LMBRD1: variants seen among roughly 807,000 people sequenced by gnomAD.
LMBRD1 encodes LMBR1 domain containing 1, also known as lysosomal cobalamin transport escort protein LMBD1.
LMBRD1 carries 64 observed loss-of-function variants against 74.8 expected under a neutral mutation model. That is an observed-to-expected ratio of 0.86 (90% CI 0.70 to 1.05). The LOEUF is 1.05. Among genes scored for constraint, LMBRD1 ranks in the 50% least tolerant of loss-of-function variants. The probability of loss-of-function intolerance (pLI) is 0.00; values close to 1 mark genes in which losing one functional copy is unlikely to be tolerated. For missense variants in LMBRD1, 652 were observed against 645.9 expected (o/e 1.01, Z -0.10); for synonymous variants, 204 against 216.3 (o/e 0.94, Z 0.50).
chr6:69,713,748 T>A lies in LMBRD1; in HGVS notation c.812A>T (p.Gln271Leu), dbSNP rs1260399748. 1.2e-6 allele frequency: 2 copies of A among 1,613,624 alleles called. No individual in the cohort carries two copies. Among genetic ancestry groups the A allele is most frequent in the African/African-American group, 2.7e-5 (2 of 74,912 alleles). Reference sequence around the variant, plus strand: ...AAGTGTTCGTAACCTTTCTTCAAATTGTTTTAAGGCGCGTTTATCCCTTGC... The same window carrying A: ...AAGTGTTCGTAACCTTTCTTCAAATAGTTTTAAGGCGCGTTTATCCCTTGC... ...LPARDKRALK[Q>L]FEERLRTLKK... is the part of the protein sequence containing the mutation. The change falls in exon 9 of 16, where the codon CAA (glutamine) becomes CTA (leucine). Residue 271 changes from glutamine to leucine, a missense_variant. Gln to Leu is a moderately radical substitution (Grantham distance 113). Around this residue, in one of 3 missense-constraint regions of LMBRD1, gnomAD observed 598 missense variants for 581.8 expected, o/e 1.03. Transcript: ENST00000649934.
Position 69,790,348 on chromosome 6 carries a change from G to A in LMBRD1, c.194C>T (p.Pro65Leu). The A allele has an allele frequency of 1.2e-6, 2 of 1,613,298 alleles. No individual in the cohort carries two copies. Among genetic ancestry groups the A allele is most frequent in the Non-Finnish European group, 1.7e-6 (2 of 1,179,338 alleles). ...GTAAGAAACCAAAAATATATCCACTGGTAGAAGTGCTGATGTGATAAGTGC... is the reference window on the plus strand; with the variant it reads ...GTAAGAAACCAAAAATATATCCACTAGTAGAAGTGCTGATGTGATAAGTGC... ...AIALITSALLPVDIFLVSYMK... is the reference protein window; with the variant it reads ...AIALITSALLLVDIFLVSYMK... Residue 65 changes from proline to leucine, a missense_variant, in exon 2 of 16, where the codon CCA (proline) becomes CTA (leucine). By Grantham distance (98) the Pro-to-Leu change is moderately conservative (BLOSUM62 -3). Coordinates refer to ENST00000649934, the MANE Select transcript of LMBRD1 (RefSeq NM_018368.4).
chr6:69,692,358 T>C (rs1020876492), intron 14 of LMBRD1, among the ~76,000 whole-genome samples: 1 of 152,164 alleles, frequency 6.6e-6, no homozygotes, highest in African/African-American at 2.4e-5. Context: ...AAATCAACTT[T>C]GATTTATAGA....
rs537755688 is a variant in LMBRD1 at position 69,775,630 on chromosome 6, A to G, written c.307+4864T>C. Among the ~76,000 whole-genome samples, 11 of 152,348 alleles carry G rather than the reference A, an allele frequency of 7.2e-5. No homozygotes were observed. In the East Asian group the frequency reaches 2.1e-3, roughly 29 times the overall value. On this transcript the variant is annotated intron_variant, in intron 3 of 15. Transcript: ENST00000649934. ...GGGAGATTTGAGCCTTTTATTCACA[A>G]AAGTCCCTTTTGAAGCAGTAAAAAT... is the stretch of plus-strand genomic sequence containing the variant.
chr6:69,708,488 G>C (rs1315139832), intron 9 of LMBRD1, among the ~76,000 whole-genome samples: 1 of 152,104 alleles, frequency 6.6e-6, no homozygotes, highest in African/African-American at 2.4e-5. Flanking sequence ...TGAGAAAAGT[G>C]AGGTTCAAAA....
intron 6 of LMBRD1, among the ~76,000 whole-genome samples, chr6:69,740,365 A>G (rs1303070789): frequency 1.3e-5 from 2 of 152,208 alleles, no homozygotes; most frequent in East Asian, 1.9e-4. Flanking sequence ...CTAATCACCA[A>G]TTCAAGTTAT....
chr6:69,768,877 C>T (rs1348945477), intron 3 of LMBRD1, among the ~76,000 whole-genome samples: 2 of 151,648 alleles, frequency 1.3e-5, no homozygotes, highest in African/African-American at 4.8e-5. Context: ...TTTTAGTGCC[C>T]TCTGGTGTCC....
chr6:69,680,546 T>A (rs191936647), intron 14 of LMBRD1, among the ~76,000 whole-genome samples: 27 of 151,340 alleles, frequency 1.8e-4, no homozygotes. Flanking sequence ...CAAAACCATA[T>A]CTTAAATATT....
At chr6:69,780,610 T>A (rs1765811498) in intron 2 of LMBRD1, 56 bp from the exon 3 acceptor site, 4 of 1,362,898 alleles carry the variant, frequency 2.9e-6, no homozygotes, top group Non-Finnish European at 4.2e-6. Context: ...GCCTAACAAT[T>A]AAAAGTCAAG....
intron 9 of LMBRD1, among the ~76,000 whole-genome samples, chr6:69,703,721 C>T (rs1237671183): frequency 1.3e-5 from 2 of 151,900 alleles, no homozygotes; most frequent in Non-Finnish European, 2.9e-5. Flanking sequence ...GCTATAATGC[C>T]AATTTTGAAA....
chr6:69,793,324 G>C (rs1273816471), intron 1 of LMBRD1, among the ~76,000 whole-genome samples: 2 of 152,212 alleles, frequency 1.3e-5, no homozygotes, highest in African/African-American at 4.8e-5. Flanking sequence ...GGAATGAGAA[G>C]AGATGAATCT....
At chr6:69,702,001 T>A (rs771634456) in intron 9 of LMBRD1, 48 bp from the exon 10 acceptor site, 1 of 1,145,582 alleles carries the variant, frequency 8.7e-7, no homozygotes, top group South Asian at 1.3e-5. Flanking sequence ...AAAGTTGATA[T>A]TAAAAGCACA....
At chr6:69,772,410 G>T (rs757252094) in intron 3 of LMBRD1, among the ~76,000 whole-genome samples, 11 of 152,164 alleles carry the variant, frequency 7.2e-5, no homozygotes, top group Non-Finnish European at 1.0e-4. Context: ...AAAATCTGGA[G>T]TGTGAAGGAA....
chr6:69,688,728 T>A (rs1765817995), intron 14 of LMBRD1, among the ~76,000 whole-genome samples: 1 of 141,594 alleles, frequency 7.1e-6, no homozygotes, highest in Admixed American at 7.3e-5. Flanking sequence ...ATTGCAGAGG[T>A]AATAAAAGAT....
intron 2 of LMBRD1, among the ~76,000 whole-genome samples, chr6:69,787,807 A>G (rs1287099454): frequency 6.6e-6 from 1 of 152,236 alleles, no homozygotes; most frequent in African/African-American, 2.4e-5. Flanking sequence ...GTTTTAACAG[A>G]TATTTTCCCC....
chr6:69,736,172 G>A (rs1438080987), intron 7 of LMBRD1, among the ~76,000 whole-genome samples: 1 of 151,912 alleles, frequency 6.6e-6, no homozygotes, highest in Non-Finnish European at 1.5e-5. Context: ...TGCATATTTT[G>A]CAAGCCAGGA....
chr6:69,722,783 A>G (rs1766644549), intron 7 of LMBRD1, among the ~76,000 whole-genome samples: 1 of 152,192 alleles, frequency 6.6e-6, no homozygotes, highest in African/African-American at 2.4e-5. Flanking sequence ...GAAAGAAGGG[A>G]GGATCGTAAA....
intron 14 of LMBRD1, among the ~76,000 whole-genome samples, chr6:69,678,646 A>G (rs1461613355): frequency 6.6e-6 from 1 of 152,138 alleles, no homozygotes; most frequent in Non-Finnish European, 1.5e-5. Context: ...CAATGGCAAA[A>G]AGATCCTACA....
In LMBRD1 at chr6:69,729,891, T is replaced by C. The variant is rs572649395; in HGVS notation, c.636+8051A>G. Among the ~76,000 whole-genome samples the C allele has an allele frequency of 3.3e-5, 5 of 152,126 alleles. No individual in the cohort carries two copies. In the South Asian group the frequency reaches 6.2e-4, roughly 19 times the overall value. On this transcript the variant is annotated intron_variant, in intron 7 of 15. Coordinates refer to ENST00000649934, the MANE Select transcript of LMBRD1 (RefSeq NM_018368.4). ...TATGATAAGCTTGACATAGACCTTA[T>C]ATAAAACATTATAACTTTTAAGGTC...
At chr6:69,695,049 C>T (rs1043127724) in intron 14 of LMBRD1, among the ~76,000 whole-genome samples, 1 of 152,092 alleles carries the variant, frequency 6.6e-6, no homozygotes, top group Non-Finnish European at 1.5e-5. Flanking sequence ...CTATCTGAGG[C>T]CATATCCTTG....
Sources: allele counts gnomAD v4.1 joint callset (sites outside exome capture counted in the v4.1 genomes callset), GRCh38; gene constraint gnomAD v4.1.1; regional missense constraint gnomAD v4.1.1; transcripts MANE v1.5; gene names NCBI Gene and HGNC (gene_info 2026-07-23, HGNC 2026-07-21).